The following ANK3 variants were observed in gnomAD, a reference collection of about 807,000 sequenced individuals.
ANK3 encodes the protein ankyrin-3.
A neutral mutation model predicts 370.9 loss-of-function variants in ANK3; 57 were observed. The observed-to-expected ratio is 0.15, with a 90% CI of 0.12 to 0.19. The LOEUF (loss-of-function observed/expected upper bound fraction) is 0.19, where lower values mean the gene tolerates loss of function less well. Among genes scored for constraint, ANK3 ranks in the 10% least tolerant of loss-of-function variants. ANK3 has a pLI of 1.00. For missense variants in ANK3, 4,439 were observed against 5,302.1 expected, an observed-to-expected ratio of 0.84 and a Z score of 5.06; for synonymous variants, 1,929 against 1,946.3, an observed-to-expected ratio of 0.99 and a Z score of 0.23.
At chr10:60,499,338 T>C (rs1440748098) in intron 2 of ANK3, among the ~76,000 whole-genome samples, 1 of 152,176 alleles carries the variant, frequency 6.6e-6, no homozygotes, top group Non-Finnish European at 1.5e-5. Flanking sequence ...CACCTGCAGG[T>C]AGCAATTACC....
intron 1 of ANK3, among the ~76,000 whole-genome samples, chr10:60,305,724 C>T (rs771081662): frequency 2.6e-5 from 4 of 152,070 alleles, no homozygotes; most frequent in Non-Finnish European, 5.9e-5. Context: ...GTCTTTCAAC[C>T]CACCCCCTGG....
chr10:60,208,362 G>A, intron 9 of ANK3, 129 bp from the exon 10 acceptor site: 1 of 802,426 alleles, frequency 1.2e-6, no homozygotes, highest in Non-Finnish European at 2.0e-6. Flanking sequence ...ATTTGTAAAA[G>A]CTTTTGACAA....
chr10:60,659,806 T>C (rs899857446), intron 1 of ANK3, among the ~76,000 whole-genome samples: 1 of 152,058 alleles, frequency 6.6e-6, no homozygotes, highest in East Asian at 1.9e-4. Flanking sequence ...CAAATTAAGA[T>C]CTAGAAAGCT....
At chr10:60,661,214 C>T (rs888576851) in intron 1 of ANK3, among the ~76,000 whole-genome samples, 1 of 150,472 alleles carries the variant, frequency 6.6e-6, no homozygotes, top group African/African-American at 2.4e-5. Context: ...ATCTAGGTTA[C>T]AGTTTTATGT....
chr10:60,556,793 G>A (rs965148569), intron 2 of ANK3, among the ~76,000 whole-genome samples: 5 of 152,146 alleles, frequency 3.3e-5, no homozygotes, highest in African/African-American at 1.2e-4. Flanking sequence ...ATAATACTAG[G>A]CCATGGACTG....
chr10:60,678,505 A>G (rs1343571343), intron 1 of ANK3, among the ~76,000 whole-genome samples: 1 of 152,156 alleles, frequency 6.6e-6, no homozygotes. Context: ...TATAAACACA[A>G]TATGACTTTA....
In ANK3 at chr10:60,075,412, T is replaced by C. The variant is rs142398693; in HGVS notation, c.5469A>G (p.Pro1823=). Residue 1823 remains proline (P), a synonymous_variant, in exon 37 of 44, where the codon CCA becomes CCG. Transcript: ENST00000280772. ...SSVTSSIITV[P]VYSVVNVLPE... is the part of the protein sequence containing the mutation. ...GCAAAACATTGACTACAGAGTATACTGGCACTGTTATAATTGATGAAGTTA... is the reference window on the plus strand; with the variant it reads ...GCAAAACATTGACTACAGAGTATACCGGCACTGTTATAATTGATGAAGTTA... 1.1e-4 allele frequency: 184 copies of C among 1,613,740 alleles called. No individual in the cohort carries two copies. The African/African-American group carries it at 2.3e-3, about 20-fold the overall frequency.
In ANK3 at chr10:60,028,735, T is replaced by TA. The variant is rs2072617676; in HGVS notation, c.*1110dup. On this transcript the variant is annotated 3_prime_UTR_variant, in exon 44 of 44. Transcript: ENST00000280772. Reference sequence around the variant, plus strand: ...CTAAGGATTTCTGTTCAGTCCTTTTTAAATACCCCCGACTGGGGCCTTTTA... The same window carrying TA: ...CTAAGGATTTCTGTTCAGTCCTTTTTAAAATACCCCCGACTGGGGCCTTTTA... 6.6e-6 allele frequency: 1 copy of TA among 152,652 alleles called. No individual in the cohort carries two copies. The highest frequency in any genetic ancestry group is 1.5e-5 in the Non-Finnish European group (1 of 68,042). The allele number at this position is 152,652 out of a possible 1,614,324, so 9.5% of individuals were successfully genotyped here.
At chr10:60,728,386 C>A (rs1476354351) in intron 1 of ANK3, among the ~76,000 whole-genome samples, 2 of 152,212 alleles carry the variant, frequency 1.3e-5, no homozygotes, top group African/African-American at 4.8e-5. Flanking sequence ...TCGTAGGGAG[C>A]ACAATTGCTT....
chr10:60,279,104 T>C lies in ANK3; in HGVS notation c.261A>G (p.Val87=), dbSNP rs2132704619. ...TCTGCAGCAGCTCAGAAACAACCTCTACATGGCCTTCTTTGGAAGCAAGGT... is the reference window on the plus strand; with the variant it reads ...TCTGCAGCAGCTCAGAAACAACCTCCACATGGCCTTCTTTGGAAGCAAGGT... The part of the protein sequence containing the change: ...ALHLASKEGH[V]EVVSELLQRE... The change falls in exon 3 of 44, where the codon GTA becomes GTG. Residue 87 remains valine (V), a synonymous_variant. Coordinates refer to ENST00000280772, the MANE Select transcript of ANK3 (RefSeq NM_020987.5). 1 of 1,613,952 alleles carries C rather than the reference T, an allele frequency of 6.2e-7. No homozygotes were observed. Among genetic ancestry groups the C allele is most frequent in the Admixed American group, 1.7e-5 (1 of 59,988 alleles).
chr10:60,667,194 T>TATATTATATTATATTATATTATATC (rs2079008266), intron 1 of ANK3, among the ~76,000 whole-genome samples: 1 of 20,838 alleles, frequency 4.8e-5, no homozygotes, highest in African/African-American at 1.2e-4. Context: ...CATATTATAT[T>TATATTATATTATATTATATTATATC]ATATTATATT....
At chr10:60,693,628 C>A (rs2079393566) in intron 1 of ANK3, among the ~76,000 whole-genome samples, 1 of 152,216 alleles carries the variant, frequency 6.6e-6, no homozygotes, top group South Asian at 2.1e-4. Context: ...AGGCACCCCC[C>A]AGCAGGGGCA....
At chr10:60,627,690 CTGATCAGCTA>C (rs1306358277) in intron 1 of ANK3, among the ~76,000 whole-genome samples, 1 of 152,168 alleles carries the variant, frequency 6.6e-6, no homozygotes, top group Non-Finnish European at 1.5e-5. Flanking sequence ...AGTCTGCCCT[CTGATCAGCTA>C]TGATCAGTTG....
At chr10:60,281,364 C>T (rs915285873) in intron 1 of ANK3, among the ~76,000 whole-genome samples, 2 of 152,194 alleles carry the variant, frequency 1.3e-5, no homozygotes, top group African/African-American at 4.8e-5. Flanking sequence ...GTGGTATCCC[C>T]CATTTGTGAT....
intron 1 of ANK3, among the ~76,000 whole-genome samples, chr10:60,341,008 C>A (rs1329645550): frequency 6.6e-6 from 1 of 152,122 alleles, no homozygotes; most frequent in South Asian, 2.1e-4. Flanking sequence ...TTATTTGACT[C>A]CAGTGCAGAA....
intron 18 of ANK3, among the ~76,000 whole-genome samples, chr10:60,177,067 C>T (rs1382231028): frequency 6.6e-6 from 1 of 152,172 alleles, no homozygotes; most frequent in East Asian, 1.9e-4. Flanking sequence ...AGTGCCCAGC[C>T]ATGCATGGCA....
chr10:60,465,210 T>C (rs573986089), intron 2 of ANK3, among the ~76,000 whole-genome samples: 13 of 151,774 alleles, frequency 8.6e-5, no homozygotes, highest in African/African-American at 2.9e-4. Flanking sequence ...TGAGCCATGA[T>C]TGCCCCACTG....
chr10:60,438,891 G>A (rs973881963), intron 2 of ANK3, among the ~76,000 whole-genome samples: 3 of 152,134 alleles, frequency 2.0e-5, no homozygotes, highest in Admixed American at 6.5e-5. Flanking sequence ...TTTAAATCAC[G>A]GAAAATCCCT....
At chr10:60,145,785 T>C (rs148061935) in intron 23 of ANK3, among the ~76,000 whole-genome samples, 1 of 152,110 alleles carries the variant, frequency 6.6e-6, no homozygotes, top group African/African-American at 2.4e-5. Flanking sequence ...TTACAAGAAA[T>C]TCGTAATCAA....
Sources: gnomAD v4.1 joint callset for allele counts (sites outside exome capture counted in the v4.1 genomes callset) on GRCh38, gnomAD v4.1.1 for gene constraint, MANE v1.5 for transcripts, NCBI Gene and HGNC (gene_info 2026-07-23, HGNC 2026-07-21) for gene names.